The following ING5 variants were observed in gnomAD, a reference collection of about 807,000 sequenced individuals.
ING5 encodes inhibitor of growth protein 5.
In ING5, 17 loss-of-function variants were observed where a neutral mutation model predicts 37.4. The ratio of observed to expected loss-of-function variants is 0.45; its 90% CI spans 0.31 to 0.68. ING5 has a LOEUF of 0.68. Among genes scored for constraint, ING5 ranks in the 30% least tolerant of loss-of-function variants. The pLI is 0.05. For synonymous variants in ING5, 123 were observed against 116.6 expected, an observed-to-expected ratio of 1.06 and a Z score of -0.36; for missense variants, 233 against 311.9, an observed-to-expected ratio of 0.75 and a Z score of 1.91.
upstream of ING5, among the ~76,000 whole-genome samples, chr2:241,699,615 C>T (rs2069683288): frequency 1.3e-5 from 2 of 152,106 alleles, no homozygotes; most frequent in Admixed American, 6.6e-5. Context: ...AAGTACTGCT[C>T]CTTTGATCAG....
At chr2:241,687,117 A>G (rs1575111300) in exon 1 of ING5, 1 of 388,304 alleles carries the variant, frequency 2.6e-6, no homozygotes, top group Non-Finnish European at 4.5e-6. Flanking sequence ...ACGCGGGGTC[A>G]GGGCGCGGAC....
intron 1 of ING5, among the ~76,000 whole-genome samples, chr2:241,703,538 A>G (rs963034563): frequency 1.3e-5 from 2 of 152,134 alleles, no homozygotes; most frequent in African/African-American, 4.8e-5. Context: ...CGTTAGTCCC[A>G]TTTCCAGTGC....
chr2:241,691,715 C>A (rs950825889), intron 2 of ING5, among the ~76,000 whole-genome samples: 1 of 152,096 alleles, frequency 6.6e-6, no homozygotes. Context: ...GGTACCTCTT[C>A]CTTTTCTCAT....
intron 5 of ING5, among the ~76,000 whole-genome samples, chr2:241,717,696 C>CTTTTTTTTTTTTT (rs371435124): frequency 7.4e-6 from 1 of 134,516 alleles, no homozygotes; most frequent in African/African-American, 2.6e-5. Context: ...TTGGTGGTTT[C>CTTTTTTTTTTTTT]TTTTTTTTTT....
At chr2:241,710,156 G>T (rs1432561948) in intron 3 of ING5, among the ~76,000 whole-genome samples, 1 of 151,948 alleles carries the variant, frequency 6.6e-6, no homozygotes, top group Non-Finnish European at 1.5e-5. Context: ...GCCCAGGCTG[G>T]AGTGCAATGG....
chr2:241,698,358 T>C (rs889608282), upstream of ING5, among the ~76,000 whole-genome samples: 1 of 151,394 alleles, frequency 6.6e-6, no homozygotes, highest in Non-Finnish European at 1.5e-5. Context: ...GGCGGGAGAA[T>C]GGCGTGGATC....
intron 5 of ING5, among the ~76,000 whole-genome samples, chr2:241,715,503 G>A (rs1452631034): frequency 4.2e-5 from 5 of 119,062 alleles, no homozygotes; most frequent in African/African-American, 1.7e-4. Context: ...TTTTTGGTGA[G>A]ACGGAGCCTC....
rs1259368764 is a variant in ING5 at position 241,728,536 on chromosome 2, T to C, written c.*3505T>C. ...CAGTCAGTGATCTGAGGAAATCCTG[T>C]AGGGGAAGGCAGGCTGCAGTGAAAA... On this transcript the variant is annotated 3_prime_UTR_variant, in exon 8 of 8. Coordinates refer to ENST00000313552, the MANE Select transcript of ING5 (RefSeq NM_032329.6). 6.5e-6 allele frequency: 1 copy of C among 152,710 alleles called. No homozygotes were observed. The highest frequency in any genetic ancestry group is 1.9e-4 in the East Asian group (1 of 5,202). 9.5% of individuals were successfully genotyped at this position (152,710 alleles called of 1,614,324 possible). A position where few individuals can be genotyped will look rare whatever the true frequency, so the allele number is the denominator to read the frequency against.
rs1286122613 is a variant in ING5, at chr2:241,725,971, G to A, written c.*940G>A. 4 of 152,632 alleles carry A rather than the reference G, an allele frequency of 2.6e-5. No individual in the cohort carries two copies. The highest frequency in any genetic ancestry group is 4.4e-5 in the Non-Finnish European group (3 of 68,042). 9.5% of individuals were successfully genotyped at this position (152,632 alleles called of 1,614,324 possible). A position where few individuals can be genotyped will look rare whatever the true frequency, so the allele number is the denominator to read the frequency against. On this transcript the variant is annotated 3_prime_UTR_variant, in exon 8 of 8. Transcript: ENST00000313552. ...GTTGTGAATTTGTTGTGCCACAATA[G>A]CAGTTCTGGAATGAAGCTAGGAAAC... is the stretch of plus-strand genomic sequence containing the variant.
chr2:241,695,927 G>T (rs756445687), intron 2 of ING5, among the ~76,000 whole-genome samples: 3 of 152,152 alleles, frequency 2.0e-5, no homozygotes, highest in Non-Finnish European at 4.4e-5. Flanking sequence ...CTCACAAGGA[G>T]TATTCAGCTA....
intron 1 of ING5, among the ~76,000 whole-genome samples, chr2:241,704,421 A>G (rs546879145): frequency 1.3e-5 from 2 of 152,228 alleles, no homozygotes; most frequent in East Asian, 3.9e-4. Context: ...TACAAAAACT[A>G]GCCGGGCATG....
At chr2:241,719,547 G>T in intron 5 of ING5, 1 of 1,536,076 alleles carries the variant, frequency 6.5e-7, no homozygotes, top group Non-Finnish European at 8.7e-7. Context: ...TGTCCCGACC[G>T]TGCCTTTTCT....
intron 5 of ING5, among the ~76,000 whole-genome samples, chr2:241,712,661 C>A (rs1281628075): frequency 6.6e-6 from 1 of 152,264 alleles, no homozygotes; most frequent in East Asian, 1.9e-4. Context: ...AGAGGAGTGA[C>A]ATTTAGACTA....
In ING5 at chr2:241,726,190, G is replaced by A. The variant is rs1691613903; in HGVS notation, c.*1159G>A. 6.6e-6 allele frequency: 1 copy of A among 152,230 alleles called. No homozygotes were observed. Among genetic ancestry groups the A allele is most frequent in the Non-Finnish European group, 1.5e-5 (1 of 68,052 alleles). 9.4% of individuals were successfully genotyped at this position (152,230 alleles called of 1,614,324 possible). A position where few individuals can be genotyped will look rare whatever the true frequency, so the allele number is the denominator to read the frequency against. On this transcript the variant is annotated 3_prime_UTR_variant, in exon 8 of 8. Coordinates refer to ENST00000313552, the MANE Select transcript of ING5 (RefSeq NM_032329.6). ...CCTTTAGAGGAAGGAGAGGATTGCT[G>A]AGGAATGCAGGGACGCCTGTTTCTG...
Position 241,709,246 on chromosome 2 carries a change from C to T in ING5, c.140C>T (p.Ala47Val). Residue 47 changes from alanine (A) to valine (V), a missense_variant, in exon 3 of 8, where the codon GCA (alanine) becomes GTA (valine). Transcript: ENST00000313552. ...AAAGCAGAGATTGACATCCTGGCTGCAGAGTACATCTCCACGGTGAAGACG... is the reference window on the plus strand; with the variant it reads ...AAAGCAGAGATTGACATCCTGGCTGTAGAGTACATCTCCACGGTGAAGACG... ...DKKAEIDILA[A>V]EYISTVKTLS... is the part of the protein sequence containing the mutation. 1 of 1,613,234 alleles carries T rather than the reference C, an allele frequency of 6.2e-7. No individual in the cohort carries two copies. Among genetic ancestry groups the T allele is most frequent in the Non-Finnish European group, 8.5e-7 (1 of 1,179,742 alleles).
intron 2 of ING5, among the ~76,000 whole-genome samples, chr2:241,707,354 G>T (rs1042653083): frequency 2.0e-5 from 3 of 151,422 alleles, no homozygotes; most frequent in African/African-American, 4.9e-5. Context: ...GCAATGGCAC[G>T]ATCTCAGCTC....
chr2:241,712,407 G>A, intron 5 of ING5: 2 of 243,584 alleles, frequency 8.2e-6, no homozygotes, highest in Non-Finnish European at 1.6e-5. Context: ...TGAGCAACGT[G>A]TTGTTGACAG....
rs1462751479 is a variant in ING5 at position 241,726,171 on chromosome 2, G to A, written c.*1140G>A. Reference sequence around the variant, plus strand: ...TCGGAAATCCTCTCCCGTGCCTTTAGAGGAAGGAGAGGATTGCTGAGGAAT... The same window carrying A: ...TCGGAAATCCTCTCCCGTGCCTTTAAAGGAAGGAGAGGATTGCTGAGGAAT... On this transcript the variant is annotated 3_prime_UTR_variant, in exon 8 of 8. Transcript: ENST00000313552. The A allele has an allele frequency of 2.0e-5, 3 of 152,312 alleles. No individual in the cohort carries two copies. The highest frequency in any genetic ancestry group is 4.4e-5 in the Non-Finnish European group (3 of 68,042). 9.4% of individuals were successfully genotyped at this position (152,312 alleles called of 1,614,324 possible). A position where few individuals can be genotyped will look rare whatever the true frequency, so the allele number is the denominator to read the frequency against.
intron 2 of ING5, among the ~76,000 whole-genome samples, chr2:241,705,363 C>T (rs1365499157): frequency 2.0e-5 from 3 of 151,616 alleles, no homozygotes; most frequent in Non-Finnish European, 4.4e-5. Context: ...CAAGCGTGAG[C>T]CACCTCGCCT....
Sources: gnomAD v4.1 joint callset for allele counts (sites outside exome capture counted in the v4.1 genomes callset) on GRCh38, gnomAD v4.1.1 for gene constraint, MANE v1.5 for transcripts, NCBI Gene and HGNC (gene_info 2026-07-23, HGNC 2026-07-21) for gene names.